SNX9: variants seen among roughly 807,000 people sequenced by gnomAD.
SNX9 encodes sorting nexin-9.
Under a neutral mutation model 89.4 loss-of-function variants are expected in SNX9, and 44 were observed. That is an observed-to-expected ratio of 0.49 (90% CI 0.39 to 0.63). The LOEUF (loss-of-function observed/expected upper bound fraction) is 0.63, where lower values mean the gene tolerates loss of function less well. Ranked by LOEUF, SNX9 falls within the 30% of genes least tolerant of loss-of-function variation. The pLI, the probability that SNX9 is intolerant of heterozygous loss-of-function variation, is 0.00. For synonymous variants in SNX9, 236 were observed against 247.8 expected (o/e 0.95, Z 0.45); for missense variants, 578 against 736.1 (o/e 0.79, Z 2.49).
intron 1 of SNX9, among the ~76,000 whole-genome samples, chr6:157,825,475 G>A (rs953959937): frequency 6.6e-6 from 1 of 152,096 alleles, no homozygotes; most frequent in Non-Finnish European, 1.5e-5. Flanking sequence ...TCGAAAAGTG[G>A]TTCTTGTATA....
chr6:157,843,442 T>G (rs1187621829), intron 1 of SNX9, among the ~76,000 whole-genome samples: 1 of 152,178 alleles, frequency 6.6e-6, no homozygotes, highest in Non-Finnish European at 1.5e-5. Context: ...AAAGAAAATG[T>G]TATTGAGAAA....
At chr6:157,838,316 A>G (rs1343018617) in intron 1 of SNX9, among the ~76,000 whole-genome samples, 1 of 150,492 alleles carries the variant, frequency 6.6e-6, no homozygotes, top group Admixed American at 6.6e-5. Context: ...CTCGACCAAT[A>G]ATTTTTTTTT....
chr6:157,846,977 G>A (rs747136383), intron 1 of SNX9, among the ~76,000 whole-genome samples: 8 of 152,176 alleles, frequency 5.3e-5, no homozygotes, highest in Admixed American at 1.3e-4. Context: ...AACCTGGGAA[G>A]TGGAGAAGTG....
chr6:157,937,811 G>A (rs1783957057), intron 15 of SNX9, among the ~76,000 whole-genome samples: 1 of 152,132 alleles, frequency 6.6e-6, no homozygotes, highest in Admixed American at 6.5e-5. Flanking sequence ...GATGTACTTG[G>A]ATTTGTTAGG....
chr6:157,937,902 TATC>T (rs1449289664), intron 15 of SNX9, among the ~76,000 whole-genome samples: 3 of 152,250 alleles, frequency 2.0e-5, no homozygotes, highest in Admixed American at 6.5e-5. Flanking sequence ...ATAACTTAAA[TATC>T]ATGAAGGGGT....
intron 9 of SNX9, among the ~76,000 whole-genome samples, chr6:157,913,114 G>T (rs971538752): frequency 6.6e-6 from 1 of 152,156 alleles, no homozygotes; most frequent in Non-Finnish European, 1.5e-5. Flanking sequence ...TGGCTTTCCG[G>T]CCAGGAGGTG....
chr6:157,933,414 A>G (rs545460438), intron 13 of SNX9, among the ~76,000 whole-genome samples: 3 of 152,246 alleles, frequency 2.0e-5, no homozygotes, highest in Non-Finnish European at 4.4e-5. Context: ...CAAGGCAGAC[A>G]GTGCTTTGGA....
At chr6:157,940,522 A>G (rs906113455) in intron 16 of SNX9, among the ~76,000 whole-genome samples, 4 of 152,136 alleles carry the variant, frequency 2.6e-5, no homozygotes, top group Admixed American at 1.3e-4. Context: ...AGTTCAAGCA[A>G]TTCTCCTGCC....
intron 1 of SNX9, among the ~76,000 whole-genome samples, chr6:157,834,536 G>A (rs1468152138): frequency 6.6e-6 from 1 of 150,870 alleles, no homozygotes; most frequent in African/African-American, 2.4e-5. Flanking sequence ...TTTTTCTTTA[G>A]TAGAATTGAG....
intron 13 of SNX9, 85 bp from the exon 14 acceptor site, chr6:157,935,879 A>G: frequency 2.1e-6 from 2 of 942,908 alleles, no homozygotes; most frequent in Non-Finnish European, 3.1e-6. Context: ...AATAAAATTT[A>G]CCAATAAAAT....
chr6:157,894,982 A>G (rs1395554474), intron 4 of SNX9, among the ~76,000 whole-genome samples: 2 of 152,208 alleles, frequency 1.3e-5, no homozygotes, highest in Non-Finnish European at 2.9e-5. Flanking sequence ...ATGAAGGGAC[A>G]CATTGGGTTT....
intron 6 of SNX9, among the ~76,000 whole-genome samples, chr6:157,902,584 A>G (rs1783128540): frequency 6.6e-6 from 1 of 152,158 alleles, no homozygotes; most frequent in Non-Finnish European, 1.5e-5. Context: ...CACGTGTTTC[A>G]GCTCCTGTGC....
chr6:157,852,990 G>GT (rs1304796376), intron 1 of SNX9, among the ~76,000 whole-genome samples: 7 of 151,362 alleles, frequency 4.6e-5, no homozygotes, highest in Non-Finnish European at 8.8e-5. Context: ...TAAATGGTGA[G>GT]TTTTTTTGTT....
chr6:157,902,060 G>A lies in SNX9; in HGVS notation c.620+15G>A. ...CCCCTTAACAAGTAAGTTTAAAGGG[G>A]AGCCAGGGAACCAGGGCCGTGGTAG... On this transcript the variant is annotated intron_variant, in intron 6 of 17. Transcript: ENST00000392185. 1 of 1,612,090 alleles carries A rather than the reference G, an allele frequency of 6.2e-7. No homozygotes were observed. The highest frequency in any genetic ancestry group is 8.5e-7 in the Non-Finnish European group (1 of 1,179,208).
Position 157,823,362 on chromosome 6 carries a change from C to T in SNX9, c.-73C>T, listed in dbSNP as rs1562584408. The T allele has an allele frequency of 1.6e-6, 2 of 1,256,846 alleles. No individual in the cohort carries two copies. Among genetic ancestry groups the T allele is most frequent in the South Asian group, 1.9e-5 (1 of 51,676 alleles). 77.9% of individuals were successfully genotyped at this position (1,256,846 alleles called of 1,614,324 possible). A position where few individuals can be genotyped will look rare whatever the true frequency, so the allele number is the denominator to read the frequency against. The stretch of plus-strand genomic sequence containing the variant: ...CCGCCGCCCTCGCCCTTGCCTTTGC[C>T]TGCGCGGCTCAGAATCACCATCCGC... On this transcript the variant is annotated 5_prime_UTR_variant, in exon 1 of 18. Transcript: ENST00000392185. The surrounding 1 kb of genome is among the most constrained non-coding windows in gnomAD (Gnocchi z 4.6).
chr6:157,834,150 GTTTTTTTTTTTTTTTTTTT>G (rs561509955), intron 1 of SNX9, among the ~76,000 whole-genome samples: 19 of 35,644 alleles, frequency 5.3e-4, no homozygotes, highest in Admixed American at 1.5e-3. Context: ...GTCCACTGTG[GTTTTTTTTTTTTTTTTTTT>G]TTTTTTTTTT....
Position 157,902,026 on chromosome 6 carries a change from A to G in SNX9, c.601A>G (p.Met201Val), listed in dbSNP as rs1004561485. The G allele has an allele frequency of 1.3e-5, 21 of 1,613,480 alleles. 1 individual carries two copies. The Admixed American group carries it at 3.3e-4, about 26-fold the overall frequency. Residue 201 changes from methionine to valine, a missense_variant, in exon 6 of 18, where the codon ATG becomes GTG. Physicochemically the swap from Met to Val is conservative, Grantham distance 21. Coordinates refer to ENST00000392185, the MANE Select transcript of SNX9 (RefSeq NM_016224.5). ...RGNSRASSSSMKIPLNKFPGF... is the reference protein window; with the variant it reads ...RGNSRASSSSVKIPLNKFPGF... ...AAACAGTCGTGCTAGTTCCTCATCC[A>G]TGAAAATTCCCCTTAACAAGTAAGT...
At chr6:157,838,953 A>G (rs1300188530) in intron 1 of SNX9, among the ~76,000 whole-genome samples, 3 of 152,138 alleles carry the variant, frequency 2.0e-5, no homozygotes, top group Admixed American at 2.0e-4. Flanking sequence ...GTTAAAATGG[A>G]TCTGCTCCTT....
At chr6:157,827,684 T>G (rs922458941) in intron 1 of SNX9, among the ~76,000 whole-genome samples, 3 of 149,404 alleles carry the variant, frequency 2.0e-5, no homozygotes, top group African/African-American at 7.4e-5. Context: ...GAAGAATTTT[T>G]TTTCAGTGTC....
Sources: gnomAD v4.1 joint callset for allele counts (sites outside exome capture counted in the v4.1 genomes callset) on GRCh38, gnomAD v4.1.1 for gene constraint, Gnocchi (gnomAD v3.1) non-coding constraint, MANE v1.5 for transcripts, NCBI Gene and HGNC (gene_info 2026-07-23, HGNC 2026-07-21) for gene names.